FHAD1: variants seen among roughly 807,000 people sequenced by gnomAD.
The protein encoded by FHAD1 is forkhead associated phosphopeptide binding domain 1.
FHAD1 carries 146 observed loss-of-function variants against 191.3 expected under a neutral mutation model. The ratio of observed to expected loss-of-function variants is 0.76; its 90% CI spans 0.67 to 0.88. FHAD1 has a LOEUF of 0.88. Among genes scored for constraint, FHAD1 ranks in the 40% least tolerant of loss-of-function variants. The pLI, the probability that FHAD1 is intolerant of heterozygous loss-of-function variation, is 0.00. For missense variants in FHAD1, 1,635 were observed against 1,785.8 expected (o/e 0.92, Z 1.52); for synonymous variants, 616 against 672.3 (o/e 0.92, Z 1.29).
intron 2 of FHAD1, among the ~76,000 whole-genome samples, chr1:15,256,645 C>CAAAAA (rs34598860): frequency 4.2e-5 from 3 of 71,266 alleles, no homozygotes; most frequent in African/African-American, 6.9e-5. Flanking sequence ...AGACTCTGTC[C>CAAAAA]AAAAAAAAAA....
chr1:15,360,988 C>T (rs897145374), intron 22 of FHAD1, among the ~76,000 whole-genome samples: 10 of 152,282 alleles, frequency 6.6e-5, no homozygotes, highest in Non-Finnish European at 1.0e-4. Flanking sequence ...GAGGGCAGCG[C>T]GAAGTGGAAT....
In FHAD1 at chr1:15,310,722, C is replaced by G. The variant is rs562711709; in HGVS notation, c.1039+1986C>G. On this transcript the variant is annotated intron_variant, in intron 7 of 33. Coordinates refer to ENST00000688493, the MANE Select transcript of FHAD1 (RefSeq NM_001391957.1). The stretch of plus-strand genomic sequence containing the variant: ...TGTGCACACTTAAGCTCGAGAAGCA[C>G]TGGGCCGGGTTACGCTGCAGTGACA... Among the ~76,000 whole-genome samples the G allele has an allele frequency of 2.6e-5, 4 of 152,288 alleles. No individual in the cohort carries two copies. The East Asian group carries it at 5.8e-4, about 22-fold the overall frequency.
chr1:15,322,016 A>G (rs1375665252), intron 10 of FHAD1, among the ~76,000 whole-genome samples: 1 of 152,216 alleles, frequency 6.6e-6, no homozygotes, highest in Non-Finnish European at 1.5e-5. Flanking sequence ...TAACCTAACT[A>G]TTGCACCATT....
intron 2 of FHAD1, among the ~76,000 whole-genome samples, chr1:15,266,515 G>C (rs1024186749): frequency 6.6e-6 from 1 of 151,270 alleles, no homozygotes; most frequent in African/African-American, 2.4e-5. Flanking sequence ...ACATACACAC[G>C]CAGTTTCCCC....
chr1:15,355,453 G>A (rs1313897803), intron 20 of FHAD1, among the ~76,000 whole-genome samples: 1 of 152,130 alleles, frequency 6.6e-6, no homozygotes, highest in Admixed American at 6.5e-5. Flanking sequence ...AGAGAGGAGA[G>A]AGGAAAGGAA....
intron 28 of FHAD1, among the ~76,000 whole-genome samples, chr1:15,379,126 G>A (rs1417966626): frequency 6.6e-6 from 1 of 152,166 alleles, no homozygotes; most frequent in Admixed American, 6.5e-5. Flanking sequence ...GAAATAAGGG[G>A]GCCCGGGGAA....
At chr1:15,392,205 A>G (rs1474369311) in intron 33 of FHAD1, among the ~76,000 whole-genome samples, 2 of 152,186 alleles carry the variant, frequency 1.3e-5, no homozygotes, top group Non-Finnish European at 2.9e-5. Flanking sequence ...CAAGAGGCAA[A>G]GGGATTGATG....
At chr1:15,264,129 A>G (rs1414600956) in intron 2 of FHAD1, among the ~76,000 whole-genome samples, 1 of 152,224 alleles carries the variant, frequency 6.6e-6, no homozygotes, top group Non-Finnish European at 1.5e-5. Context: ...TTGAGAATCC[A>G]TATAAATTTT....
At chr1:15,323,506 G>C (rs74053897) in intron 10 of FHAD1, among the ~76,000 whole-genome samples, 2,801 of 152,290 alleles carry the variant, frequency 0.018, 94 homozygotes, top group African/African-American at 0.064. Flanking sequence ...TCAGAAGAAA[G>C]CTTTACAGGT....
chr1:15,337,347 G>A (rs1684607150), intron 14 of FHAD1, among the ~76,000 whole-genome samples: 2 of 152,170 alleles, frequency 1.3e-5, no homozygotes, highest in Non-Finnish European at 2.9e-5. Flanking sequence ...CCCGTCTGAT[G>A]ACGAGGCCAC....
intron 14 of FHAD1, among the ~76,000 whole-genome samples, chr1:15,331,251 C>T (rs541616399): frequency 6.6e-6 from 1 of 152,040 alleles, no homozygotes; most frequent in East Asian, 1.9e-4. Flanking sequence ...GGTGTCTTGT[C>T]TGGGGATAGG....
chr1:15,330,387 CG>C (rs1184343051), intron 14 of FHAD1, among the ~76,000 whole-genome samples: 1 of 152,100 alleles, frequency 6.6e-6, no homozygotes. Context: ...AGAGACGTAA[CG>C]GGGTCAGGAA....
Position 15,329,496 on chromosome 1 carries a change from C to T in FHAD1, c.1861C>T (p.Gln621Ter), listed in dbSNP as rs1378408836. The change falls in exon 14 of 34, where the codon CAG (glutamine) becomes TAG (stop). Residue 621 changes from glutamine to a stop codon, truncating the protein, a stop_gained. Coordinates refer to ENST00000688493, the MANE Select transcript of FHAD1 (RefSeq NM_001391957.1). LOFTEE classifies it high-confidence loss of function. The surrounding 1 kb of genome is among the most constrained non-coding windows in gnomAD (Gnocchi z 5.0). ...GCTGTCCTGGCTGGAGGAGGTGGAG[C>T]AGCTCCTCCGGGACCTCGGGATCCT... Reference protein sequence around the residue: ...HALSWLEEVEQLLRDLGILPS... With the variant: ...HALSWLEEVE 6.4e-7 allele frequency: 1 copy of T among 1,551,096 alleles called. No homozygotes were observed. Among genetic ancestry groups the T allele is most frequent in the Non-Finnish European group, 8.7e-7 (1 of 1,146,958 alleles).
intron 5 of FHAD1, among the ~76,000 whole-genome samples, chr1:15,299,959 C>G (rs1381483050): frequency 1.3e-5 from 2 of 152,182 alleles, no homozygotes; most frequent in African/African-American, 4.8e-5. Flanking sequence ...TGTGGTTCCC[C>G]AGGTTAGCAA....
chr1:15,324,247 G>T (rs1677416607), intron 10 of FHAD1, among the ~76,000 whole-genome samples: 1 of 152,062 alleles, frequency 6.6e-6, no homozygotes, highest in Non-Finnish European at 1.5e-5. Context: ...TGAGCCCAGG[G>T]TGCAGAGCCC....
Position 15,290,919 on chromosome 1 carries a change from T to C in FHAD1, c.568+1253T>C, listed in dbSNP as rs1447150040. Among the ~76,000 whole-genome samples, 8 of 152,156 alleles carry C rather than the reference T, an allele frequency of 5.3e-5. 1 individual carries two copies. Among genetic ancestry groups the C allele is most frequent in the Middle Eastern group, 6.8e-3 (2 of 294 alleles). Reference sequence around the variant, plus strand: ...TTAGTAGAGATGGGGTTTCACCATGTTAGCCAGGATGGTCTTGATCTCCTG... The same window carrying C: ...TTAGTAGAGATGGGGTTTCACCATGCTAGCCAGGATGGTCTTGATCTCCTG... On this transcript the variant is annotated intron_variant, in intron 4 of 33. Coordinates refer to ENST00000688493, the MANE Select transcript of FHAD1 (RefSeq NM_001391957.1).
At chr1:15,248,856 A>G (rs1752012) in intron 1 of FHAD1, among the ~76,000 whole-genome samples, 44,156 of 151,882 alleles carry the variant, frequency 0.29, 7,419 homozygotes, top group Non-Finnish European at 0.39. Flanking sequence ...CCAAAGTGCT[A>G]GGATTACAGG....
At chr1:15,349,457 G>A (rs531446928) in intron 19 of FHAD1, among the ~76,000 whole-genome samples, 6 of 152,330 alleles carry the variant, frequency 3.9e-5, no homozygotes, top group Admixed American at 3.9e-4. Flanking sequence ...CTCTGGTTCA[G>A]CTACCTAGGA....
At chr1:15,338,607 G>A (rs1685227508) in intron 14 of FHAD1, among the ~76,000 whole-genome samples, 1 of 152,092 alleles carries the variant, frequency 6.6e-6, no homozygotes, top group Non-Finnish European at 1.5e-5. Flanking sequence ...GGAATCGTAG[G>A]GGGTCATCAT....
Sources: gnomAD v4.1 joint callset for allele counts (sites outside exome capture counted in the v4.1 genomes callset) on GRCh38, gnomAD v4.1.1 for gene constraint, Gnocchi (gnomAD v3.1) non-coding constraint, MANE v1.5 for transcripts, NCBI Gene and HGNC (gene_info 2026-07-23, HGNC 2026-07-21) for gene names.